Variants in PCNX2 observed in about 807,000 individuals in gnomAD.
PCNX2 encodes pecanex-like protein 2.
A neutral mutation model predicts 223.8 loss-of-function variants in PCNX2; 168 were observed. The observed-to-expected ratio is 0.75, with a 90% confidence interval of 0.66 to 0.85. The LOEUF (loss-of-function observed/expected upper bound fraction) is 0.85. Ranked by LOEUF, PCNX2 falls within the 40% of genes least tolerant of loss-of-function variation. The pLI is 0.00. For missense variants in PCNX2, 2,507 were observed against 2,675.5 expected (o/e 0.94, Z 1.39); for synonymous variants, 1,006 against 1,052.6 (o/e 0.96, Z 0.86).
In PCNX2 at chr1:232,984,221, TGTG is replaced by T; in HGVS notation, c.*80_*82del. Reference sequence around the variant, plus strand: ...CTCATGGATCGCGGTATTGGTTGGTTGTGGTGATTTGGGGAGCACGAGGGAGAG... The same window carrying T: ...CTCATGGATCGCGGTATTGGTTGGTTGTGATTTGGGGAGCACGAGGGAGAG... On this transcript the variant is annotated 3_prime_UTR_variant, in exon 34 of 34. Transcript: ENST00000258229. 3 of 1,366,414 alleles carry T rather than the reference TGTG, an allele frequency of 2.2e-6. No individual in the cohort carries two copies. The highest frequency in any genetic ancestry group is 1.5e-5 in the African/African-American group (1 of 66,720). The allele number at this position is 1,366,414 out of a possible 1,614,324, so 84.6% of individuals were successfully genotyped here.
rs1270661479 is a variant in PCNX2, at chr1:232,992,011, T to A, written c.5792-5471A>T. On this transcript the variant is annotated intron_variant, in intron 32 of 33. Coordinates refer to ENST00000258229, the MANE Select transcript of PCNX2 (RefSeq NM_014801.4). ...ATCACTCTGACTTGCTTTGTGGAGA[T>A]TTACGATTTTGTGTGTTGTCGGAGC... is the stretch of plus-strand genomic sequence containing the variant. Among the ~76,000 whole-genome samples the A allele has an allele frequency of 2.0e-5, 3 of 152,292 alleles. No individual in the cohort carries two copies. The East Asian group carries it at 5.8e-4, about 29-fold the overall frequency.
At chr1:233,075,530 A>G (rs1252454258) in intron 23 of PCNX2, among the ~76,000 whole-genome samples, 1 of 152,114 alleles carries the variant, frequency 6.6e-6, no homozygotes, top group African/African-American at 2.4e-5. Context: ...ACGTGTCACT[A>G]ATTTGAAGCT....
chr1:233,144,723 A>G (rs1677321754), intron 19 of PCNX2, among the ~76,000 whole-genome samples: 1 of 151,722 alleles, frequency 6.6e-6, no homozygotes, highest in Admixed American at 6.6e-5. Flanking sequence ...TCTTTTTCCT[A>G]TTGGATTATA....
chr1:233,121,014 C>T (rs1010719824), intron 21 of PCNX2, among the ~76,000 whole-genome samples: 2 of 151,494 alleles, frequency 1.3e-5, no homozygotes, highest in East Asian at 3.9e-4. Context: ...AAGTCAATTG[C>T]TTTCTCATAT....
upstream of PCNX2, among the ~76,000 whole-genome samples, chr1:233,297,410 T>G (rs565117488): frequency 1.1e-4 from 17 of 152,364 alleles, no homozygotes; most frequent in African/African-American, 3.8e-4. Flanking sequence ...ATGTGCTGCC[T>G]GTTATCATAT....
intron 25 of PCNX2, among the ~76,000 whole-genome samples, chr1:233,044,070 T>C (rs1408952591): frequency 6.6e-6 from 1 of 151,918 alleles, no homozygotes; most frequent in Non-Finnish European, 1.5e-5. Context: ...CCAGCACCTG[T>C]TGTTTCCTGA....
intron 9 of PCNX2, 97 bp from the exon 10 acceptor site, chr1:233,227,468 A>G (rs1310532963): frequency 8.5e-6 from 9 of 1,058,240 alleles, no homozygotes; most frequent in Non-Finnish European, 1.0e-5. Context: ...ACACACATAT[A>G]TATGTACACC....
At chr1:233,032,087 T>C (rs1671287860) in intron 25 of PCNX2, 6 of 912,422 alleles carry the variant, frequency 6.6e-6, no homozygotes, top group Non-Finnish European at 7.8e-6. Flanking sequence ...AATAAGACAG[T>C]TTTCTTTCTT....
chr1:233,223,061 G>A (rs894902491), intron 10 of PCNX2, among the ~76,000 whole-genome samples: 1 of 152,128 alleles, frequency 6.6e-6, no homozygotes, highest in Admixed American at 6.5e-5. Context: ...GCAGCCACTG[G>A]GGACTTCAAC....
the PCNX2 span, among the ~76,000 whole-genome samples, chr1:233,303,837 A>G: frequency 1.3e-5 from 2 of 152,080 alleles, no homozygotes; most frequent in Admixed American, 1.3e-4. Flanking sequence ...ATATTTTTGT[A>G]TCATTTTACT....
the PCNX2 span, among the ~76,000 whole-genome samples, chr1:233,312,636 A>C: frequency 1.2e-4 from 18 of 152,226 alleles, 1 homozygote; most frequent in Admixed American, 9.8e-4. Context: ...AGCATAAAAC[A>C]TTCCAAAAAT....
intron 31 of PCNX2, 92 bp downstream of exon 31, chr1:232,999,013 A>C: frequency 1.4e-6 from 2 of 1,399,106 alleles, no homozygotes; most frequent in Middle Eastern, 4.4e-4. Context: ...ATGGTGGCTG[A>C]CAGTGAAATC....
intron 1 of PCNX2, chr1:233,291,664 C>T (rs1661774533): frequency 5.2e-6 from 5 of 960,644 alleles, no homozygotes; most frequent in Non-Finnish European, 6.2e-6. Flanking sequence ...TGACATGAGG[C>T]TAGTGCTCTC....
intron 21 of PCNX2, among the ~76,000 whole-genome samples, chr1:233,103,552 C>T (rs532525034): frequency 2.6e-5 from 4 of 152,100 alleles, no homozygotes; most frequent in Non-Finnish European, 4.4e-5. Context: ...TCTTTCTGTG[C>T]CCAGCTTTTT....
chr1:233,053,684 C>G (rs1170199225), intron 25 of PCNX2, among the ~76,000 whole-genome samples: 1 of 152,154 alleles, frequency 6.6e-6, no homozygotes, highest in Non-Finnish European at 1.5e-5. Context: ...TTCTGCATCC[C>G]GCATAACTCC....
chr1:233,102,753 G>A (rs1304383009), intron 21 of PCNX2, among the ~76,000 whole-genome samples: 1 of 151,894 alleles, frequency 6.6e-6, no homozygotes, highest in Non-Finnish European at 1.5e-5. Context: ...CTAATATATT[G>A]TCGTTATTAA....
intron 23 of PCNX2, among the ~76,000 whole-genome samples, chr1:233,085,225 C>T (rs191230954): frequency 7.3e-5 from 11 of 151,634 alleles, no homozygotes; most frequent in African/African-American, 1.5e-4. Context: ...CCCAGCTACT[C>T]GGGAGGCTGA....
At position 233,035,588 on chromosome 1, in the gene PCNX2, T is replaced by C. The variant is rs563059983; in HGVS notation, c.4352-10189A>G. Among the ~76,000 whole-genome samples, 419 of 152,300 alleles carry C rather than the reference T, an allele frequency of 2.8e-3. 2 individuals carry two copies. Among genetic ancestry groups the C allele is most frequent in the African/African-American group, 9.1e-3 (379 of 41,568 alleles). On this transcript the variant is annotated intron_variant, in intron 25 of 33. Transcript: ENST00000258229. ...ACCCACCCATAAAGCACAATCACGC[T>C]CTCACTCACAAAGTGGACATTCTTA...
chr1:233,233,814 C>A (rs1429571505), intron 9 of PCNX2, among the ~76,000 whole-genome samples: 1 of 151,962 alleles, frequency 6.6e-6, no homozygotes, highest in African/African-American at 2.4e-5. Flanking sequence ...TGAGAAATAG[C>A]TCCCCTGTGC....
Sources: allele counts gnomAD v4.1 joint callset (sites outside exome capture counted in the v4.1 genomes callset), GRCh38; gene constraint gnomAD v4.1.1; transcripts MANE v1.5; gene names NCBI Gene and HGNC (gene_info 2026-07-23, HGNC 2026-07-21).